POLE: variants seen among roughly 807,000 people sequenced by gnomAD.
POLE encodes DNA polymerase epsilon catalytic subunit A.
Under a neutral mutation model 279.2 loss-of-function variants are expected in POLE, and 188 were observed. That is an observed-to-expected ratio of 0.67 (90% confidence interval 0.60 to 0.76). POLE has a LOEUF of 0.76. POLE is among the 30% of genes least tolerant of loss of function. The pLI is 0.00. For missense variants in POLE, 2,703 were observed against 3,016.7 expected (o/e 0.90, Z 2.44); for synonymous variants, 1,214 against 1,172.5 (o/e 1.04, Z -0.72).
intron 41 of POLE, 100 bp downstream of exon 41, chr12:132,637,914 C>T (rs1210521142): frequency 1.5e-5 from 21 of 1,392,304 alleles, no homozygotes; most frequent in Non-Finnish European, 1.9e-5. Flanking sequence ...CTTCTAACGA[C>T]CTCCCAGCCC....
Position 132,624,830 on chromosome 12 carries a change from C to G in POLE, c.6748-20G>C, listed in dbSNP as rs139246810. 7 of 1,595,278 alleles carry G rather than the reference C, an allele frequency of 4.4e-6. No individual in the cohort carries two copies. The Admixed American group carries it at 8.3e-5, about 19-fold the overall frequency. On this transcript the variant is annotated intron_variant, in intron 48 of 48. Coordinates refer to ENST00000320574, the MANE Select transcript of POLE (RefSeq NM_006231.4). ...GAAGACCTGCAGGAATAAACAGGCA[C>G]AGTGAGACCCCAGTCCACTCAGAGA...
chr12:132,634,105 C>A lies in POLE; in HGVS notation c.6004+81G>T. 1 of 1,281,964 alleles carries A rather than the reference C, an allele frequency of 7.8e-7. No homozygotes were observed. The highest frequency in any genetic ancestry group is 1.1e-6 in the Non-Finnish European group (1 of 915,476). The allele number at this position is 1,281,964 out of a possible 1,614,324, so 79.4% of individuals were successfully genotyped here. On this transcript the variant is annotated intron_variant, in intron 43 of 48. Transcript: ENST00000320574. The surrounding 1 kb of genome is among the most constrained non-coding windows in gnomAD (Gnocchi z 4.0). ...CTGATTTTCCCTGTCTCCCTTCTTG[C>A]GATACCATGGCACAGGAGCCACATC...
At chr12:132,658,021 A>C (rs2042585679) in intron 26 of POLE, 51 bp from the exon 27 acceptor site, 1 of 1,111,262 alleles carries the variant, frequency 9.0e-7, no homozygotes, top group African/African-American at 1.5e-5. Flanking sequence ...AATCACCCAA[A>C]ATCTGATCCT....
chr12:132,631,256 C>T (rs572020116), intron 45 of POLE, among the ~76,000 whole-genome samples: 61 of 152,196 alleles, frequency 4.0e-4, no homozygotes, highest in African/African-American at 1.4e-3. Flanking sequence ...AATGCAGGGA[C>T]GGAAGACACA....
chr12:132,680,707 C>A lies in POLE; in HGVS notation c.205-20G>T. ...CTCGGTCTACAAGAGAATCAGTCAA[C>A]ACAGACACAAGACCATCCTCTACAC... On this transcript the variant is annotated intron_variant, in intron 2 of 48. Coordinates refer to ENST00000320574, the MANE Select transcript of POLE (RefSeq NM_006231.4). 6.3e-7 allele frequency: 1 copy of A among 1,590,738 alleles called. No individual in the cohort carries two copies. Among genetic ancestry groups the A allele is most frequent in the Non-Finnish European group, 8.6e-7 (1 of 1,158,682 alleles).
intron 20 of POLE, among the ~76,000 whole-genome samples, 174 bp downstream of exon 20, chr12:132,667,329 G>A (rs1234964313): frequency 6.6e-6 from 1 of 152,078 alleles, no homozygotes; most frequent in Admixed American, 6.5e-5. Context: ...GGTGGATGAT[G>A]GTCTGCATCC....
intron 29 of POLE, chr12:132,650,298 C>A: frequency 1.0e-5 from 2 of 193,696 alleles, no homozygotes; most frequent in Non-Finnish European, 1.1e-5. Flanking sequence ...ATGGGATGTT[C>A]GTTTACACAA....
At chr12:132,678,850 G>A (rs565610494) in intron 6 of POLE, among the ~76,000 whole-genome samples, 6 of 152,344 alleles carry the variant, frequency 3.9e-5, no homozygotes, top group African/African-American at 1.2e-4. Context: ...TATGGCTCAA[G>A]TCTCTGAGGA....
chr12:132,630,751 G>A (rs527292055), intron 45 of POLE, among the ~76,000 whole-genome samples: 3 of 152,288 alleles, frequency 2.0e-5, no homozygotes, highest in African/African-American at 7.2e-5. Context: ...TAGTCGCCAG[G>A]GAAATGCAAA....
At chr12:132,631,461 T>G (rs527816367) in intron 45 of POLE, among the ~76,000 whole-genome samples, 1 of 152,236 alleles carries the variant, frequency 6.6e-6, no homozygotes, top group African/African-American at 2.4e-5. Flanking sequence ...TAAAAGTCAA[T>G]AAAGGAATTA....
chr12:132,637,754 T>C (rs1593718861), intron 41 of POLE, among the ~76,000 whole-genome samples: 1 of 152,198 alleles, frequency 6.6e-6, no homozygotes, highest in Admixed American at 6.5e-5. Context: ...CAAACAAAAA[T>C]CACTGTGGAA....
At chr12:132,673,838 A>C in intron 12 of POLE, 131 bp from the exon 13 acceptor site, 1 of 979,794 alleles carries the variant, frequency 1.0e-6, no homozygotes, top group Non-Finnish European at 1.6e-6. Context: ...CCTCACACCA[A>C]GGCCCCACAT....
intron 9 of POLE, 168 bp from the exon 10 acceptor site, chr12:132,676,372 C>T: frequency 1.4e-6 from 1 of 709,058 alleles, no homozygotes. Context: ...GTGTGGATTC[C>T]CACTCGAAAG....
chr12:132,669,034 C>G, intron 16 of POLE, 95 bp from the exon 17 acceptor site: 1 of 1,244,054 alleles, frequency 8.0e-7, no homozygotes, highest in South Asian at 1.6e-5. Flanking sequence ...GAGGAAAAAG[C>G]TGAAAAATAT....
chr12:132,631,543 T>G (rs1023269531), intron 45 of POLE, among the ~76,000 whole-genome samples: 2 of 152,182 alleles, frequency 1.3e-5, no homozygotes, highest in Admixed American at 1.3e-4. Flanking sequence ...CAGCGTAACC[T>G]TAGCCGTGTG....
rs116110821 is a variant in POLE, at chr12:132,626,882, C to A, written c.6331-565G>T. 9.0e-3 allele frequency among the ~76,000 whole-genome samples: 1,368 copies of A among 152,324 alleles called. 15 individuals are homozygous for A. The highest frequency in any genetic ancestry group is 0.031 in the African/African-American group (1,308 of 41,562). ...ATATGGCAAGTTCGGTTTCAAACCA[C>A]CTCAATGGACTAACATCACAATAAA... On this transcript the variant is annotated intron_variant, in intron 45 of 48. Transcript: ENST00000320574.
chr12:132,669,013 G>C, intron 16 of POLE, 74 bp from the exon 17 acceptor site: 1 of 1,463,616 alleles, frequency 6.8e-7, no homozygotes, highest in Non-Finnish European at 9.3e-7. Context: ...ACCCCTTTTA[G>C]ACATTCAGGA....
chr12:132,672,174 G>T, intron 16 of POLE, 41 bp downstream of exon 16: 1 of 1,387,094 alleles, frequency 7.2e-7, no homozygotes, highest in Non-Finnish European at 1.0e-6. Flanking sequence ...TGAAGAAGGC[G>T]CCAAACACAG....
rs529121292 is a variant in POLE, at chr12:132,637,043, G to A, written c.5678+971C>T. Among the ~76,000 whole-genome samples the A allele has an allele frequency of 1.9e-3, 288 of 152,322 alleles. 1 individual carries two copies. The highest frequency in any genetic ancestry group is 3.3e-3 in the Non-Finnish European group (225 of 68,036). On this transcript the variant is annotated intron_variant, in intron 41 of 48. Transcript: ENST00000320574. Reference sequence around the variant, plus strand: ...CTTCCCATTATCTCAGCCATGCTCCGAAATACAATTCTAGCCCAAGCCAGC... The same window carrying A: ...CTTCCCATTATCTCAGCCATGCTCCAAAATACAATTCTAGCCCAAGCCAGC...
Sources: gnomAD v4.1 joint callset for allele counts (sites outside exome capture counted in the v4.1 genomes callset) on GRCh38, gnomAD v4.1.1 for gene constraint, Gnocchi (gnomAD v3.1) non-coding constraint, MANE v1.5 for transcripts, NCBI Gene and HGNC (gene_info 2026-07-23, HGNC 2026-07-21) for gene names.